The following IPO8 variants were observed in gnomAD, a reference collection of about 807,000 sequenced individuals.
IPO8 encodes importin 8, also known as importin-8.
Under a neutral mutation model 141.2 loss-of-function variants are expected in IPO8, and 65 were observed. That is an observed-to-expected ratio of 0.46 (90% CI 0.38 to 0.57). The LOEUF (loss-of-function observed/expected upper bound fraction) is 0.57. Ranked by LOEUF, IPO8 falls within the 20% of genes least tolerant of loss-of-function variation. The pLI is 0.00. For synonymous variants in IPO8, 411 were observed against 420.3 expected (o/e 0.98, Z 0.27); for missense variants, 980 against 1,246.8 (o/e 0.79, Z 3.22).
intron 5 of IPO8, among the ~76,000 whole-genome samples, chr12:30,678,335 G>C (rs1158463859): frequency 6.6e-6 from 1 of 152,020 alleles, no homozygotes; most frequent in Non-Finnish European, 1.5e-5. Flanking sequence ...TTCCATTCAT[G>C]GTAAGTACCC....
chr12:30,674,106 C>T (rs201171646), intron 7 of IPO8, 32 bp from the exon 8 acceptor site: 25 of 1,336,166 alleles, frequency 1.9e-5, no homozygotes, highest in East Asian at 7.0e-5. Context: ...GTACAAATAC[C>T]GTGAATTTTA....
At position 30,661,261 on chromosome 12, in the gene IPO8, C is replaced by A. The variant is rs748853480; in HGVS notation, c.1761G>T (p.Glu587Asp). The A allele has an allele frequency of 1.3e-6, 2 of 1,585,214 alleles. No homozygotes were observed. The highest frequency in any genetic ancestry group is 2.3e-5 in the South Asian group (2 of 86,172). Residue 587 changes from glutamate (E) to aspartate (D), a missense_variant, in exon 16 of 25, where the codon GAG becomes GAT. Glu to Asp is a conservative substitution (Grantham distance 45). Coordinates refer to ENST00000256079, the MANE Select transcript of IPO8 (RefSeq NM_006390.4). ...IAVDMTQHLAEIFGKVLQSDE... is the reference protein window; with the variant it reads ...IAVDMTQHLADIFGKVLQSDE... ...CACTTTGAAGAACTTTGCCAAATAT[C>A]TCAGCCTATGAAAATAACATTAAAG...
Position 30,634,096 on chromosome 12 carries a change from T to C in IPO8, c.2886A>G (p.Thr962=), listed in dbSNP as rs916392943. 1.2e-6 allele frequency: 2 copies of C among 1,613,292 alleles called. No homozygotes were observed. Among genetic ancestry groups the C allele is most frequent in the African/African-American group, 2.7e-5 (2 of 74,920 alleles). The change falls in exon 23 of 25, where the codon ACA becomes ACG. Residue 962 remains threonine (T), a synonymous_variant. Coordinates refer to ENST00000256079, the MANE Select transcript of IPO8 (RefSeq NM_006390.4). ...DNSVDEYQFF[T]QALITVQSRD... ...GTAAAGACATACTTATCAGAGCTTGTGTAAAAAACTGATATTCATCCACAC... is the reference window on the plus strand; with the variant it reads ...GTAAAGACATACTTATCAGAGCTTGCGTAAAAAACTGATATTCATCCACAC...
intron 2 of IPO8, among the ~76,000 whole-genome samples, chr12:30,689,808 C>T (rs2053274433): frequency 6.6e-6 from 1 of 152,156 alleles, no homozygotes; most frequent in South Asian, 2.1e-4. Flanking sequence ...AAATTACTTA[C>T]ATGTATATGT....
rs780877998 is a variant in IPO8, at chr12:30,656,784, TATC to T, written c.1882-37_1882-35del. The T allele has an allele frequency of 4.9e-6, 5 of 1,016,766 alleles. No individual in the cohort carries two copies. In the Admixed American group the frequency reaches 9.7e-5, roughly 20 times the overall value. 63.0% of individuals were successfully genotyped at this position (1,016,766 alleles called of 1,614,324 possible). On this transcript the variant is annotated intron_variant, in intron 16 of 24. Transcript: ENST00000256079. ...AAATGTTAAATATTAAGCTTAAAAT[TATC>T]ATAATTAATACATAAATTTAATATT...
At chr12:30,674,495 C>G (rs1333650580) in intron 7 of IPO8, among the ~76,000 whole-genome samples, 164 bp downstream of exon 7, 1 of 151,716 alleles carries the variant, frequency 6.6e-6, no homozygotes, top group Non-Finnish European at 1.5e-5. Flanking sequence ...TAGAAAAGAT[C>G]CAGAGAAGAC....
Position 30,633,693 on chromosome 12 carries a change from T to C in IPO8, c.2899+390A>G, listed in dbSNP as rs182778665. On this transcript the variant is annotated intron_variant, in intron 23 of 24. Transcript: ENST00000256079. ...TACGGCAGCAATTTCATTCTAGGGA[T>C]TGTGAATAACTAGTAGGTTGTTAGC... Among the ~76,000 whole-genome samples, 6 of 152,360 alleles carry C rather than the reference T, an allele frequency of 3.9e-5. No individual in the cohort carries two copies. In the East Asian group the frequency reaches 9.6e-4, roughly 24 times the overall value.
intron 1 of IPO8, among the ~76,000 whole-genome samples, chr12:30,693,646 T>C (rs2053311461): frequency 6.6e-6 from 1 of 152,236 alleles, no homozygotes; most frequent in Admixed American, 6.5e-5. Flanking sequence ...ATCATAAGCA[T>C]GTTTTACTAC....
chr12:30,683,134 G>A (rs1381102527), intron 3 of IPO8, among the ~76,000 whole-genome samples: 2 of 152,118 alleles, frequency 1.3e-5, no homozygotes, highest in Non-Finnish European at 2.9e-5. Flanking sequence ...ATGCATTACT[G>A]TGTAGAACCA....
intron 2 of IPO8, among the ~76,000 whole-genome samples, chr12:30,685,137 T>G (rs11051026): frequency 0.23 from 34,701 of 151,644 alleles, 4,223 homozygotes; most frequent in Middle Eastern, 0.32. Context: ...GTGAAGCTTT[T>G]CTTTTCTTTT....
At chr12:30,665,910 A>G (rs2052957934) in intron 11 of IPO8, 65 bp from the exon 12 acceptor site, 10 of 1,026,582 alleles carry the variant, frequency 9.7e-6, no homozygotes, top group Non-Finnish European at 1.3e-5. Context: ...AGTATTAACT[A>G]TGATGCACAA....
At chr12:30,688,139 C>A (rs1258710672) in intron 2 of IPO8, among the ~76,000 whole-genome samples, 8 of 152,020 alleles carry the variant, frequency 5.3e-5, no homozygotes. Flanking sequence ...AAATTAGAAA[C>A]AAAAGTGATT....
chr12:30,659,797 G>C (rs1348769183), intron 16 of IPO8, among the ~76,000 whole-genome samples: 1 of 150,194 alleles, frequency 6.7e-6, no homozygotes, highest in East Asian at 2.0e-4. Context: ...GGAGCTTGCA[G>C]TGAGCAGAAA....
intron 5 of IPO8, chr12:30,677,015 C>G: frequency 2.6e-6 from 4 of 1,527,220 alleles, no homozygotes; most frequent in Non-Finnish European, 3.5e-6. Context: ...TAACTACAGT[C>G]CACTTTGTAC....
rs16906676 is a variant in IPO8, at chr12:30,684,591, A to G, written c.167-134T>C. On this transcript the variant is annotated intron_variant, in intron 2 of 24. Transcript: ENST00000256079. ...CAAAAATGGATACTCTTACAGGTATAAACAGCCAAATCAGGAAGGGAAAGT... is the reference window on the plus strand; with the variant it reads ...CAAAAATGGATACTCTTACAGGTATGAACAGCCAAATCAGGAAGGGAAAGT... 10,741 of 723,440 alleles carry G rather than the reference A, an allele frequency of 0.015. 824 individuals carry two copies. The African/African-American group carries it at 0.17, about 11-fold the overall frequency. 44.8% of individuals were successfully genotyped at this position (723,440 alleles called of 1,614,324 possible).
chr12:30,630,056 C>T lies in IPO8; in HGVS notation c.*804G>A, dbSNP rs1267273427. The T allele has an allele frequency of 6.6e-6, 1 of 152,138 alleles. No individual in the cohort carries two copies. Among genetic ancestry groups the T allele is most frequent in the Admixed American group, 6.5e-5 (1 of 15,280 alleles). The allele number at this position is 152,138 out of a possible 1,614,324, so 9.4% of individuals were successfully genotyped here. ...AGAATATACTCAGACTTACTGTTAACTCCAGTGACTAAAGAGCCCCTGCCA... is the reference window on the plus strand; with the variant it reads ...AGAATATACTCAGACTTACTGTTAATTCCAGTGACTAAAGAGCCCCTGCCA... On this transcript the variant is annotated 3_prime_UTR_variant, in exon 25 of 25. Coordinates refer to ENST00000256079, the MANE Select transcript of IPO8 (RefSeq NM_006390.4).
At chr12:30,653,120 A>G in intron 17 of IPO8, 28 bp from the exon 18 acceptor site, 1 of 1,597,592 alleles carries the variant, frequency 6.3e-7, no homozygotes, top group Non-Finnish European at 8.5e-7. Context: ...TCTAGTTAGA[A>G]TGCTAGGAAA....
intron 5 of IPO8, among the ~76,000 whole-genome samples, chr12:30,677,968 C>G (rs1347925796): frequency 6.6e-6 from 1 of 151,596 alleles, no homozygotes; most frequent in Admixed American, 6.6e-5. Context: ...AACCCCGTCT[C>G]TACTAAGAAT....
At chr12:30,674,132 C>A in intron 7 of IPO8, 58 bp from the exon 8 acceptor site, 1 of 1,095,924 alleles carries the variant, frequency 9.1e-7, no homozygotes, top group South Asian at 1.4e-5. Context: ...AGCATGCTTG[C>A]TAATAATTTA....
Sources: gnomAD v4.1 joint callset for allele counts (sites outside exome capture counted in the v4.1 genomes callset) on GRCh38, gnomAD v4.1.1 for gene constraint, MANE v1.5 for transcripts, NCBI Gene and HGNC (gene_info 2026-07-23, HGNC 2026-07-21) for gene names.